The following XPA variants were observed in gnomAD, a reference collection of about 807,000 sequenced individuals.
XPA encodes DNA repair protein complementing XP-A cells.
In XPA, 27 loss-of-function variants were observed where a neutral mutation model predicts 35.7. That is an observed-to-expected ratio of 0.76 (90% CI 0.56 to 1.04). The LOEUF (loss-of-function observed/expected upper bound fraction) is 1.04, where lower values mean the gene tolerates loss of function less well. Ranked by LOEUF, XPA falls within the 50% of genes least tolerant of loss-of-function variation. The pLI, the probability that XPA is intolerant of heterozygous loss-of-function variation, is 0.00. For missense variants in XPA, 354 were observed against 342.7 expected, an observed-to-expected ratio of 1.03 and a Z score of -0.26; for synonymous variants, 133 against 118.4, an observed-to-expected ratio of 1.12 and a Z score of -0.80.
downstream of XPA, chr9:97,673,174 T>C (rs1467633972): frequency 6.6e-6 from 1 of 152,144 alleles, no homozygotes; most frequent in African/African-American, 2.4e-5. Context: ...AATGAGTTTA[T>C]CAACTGTTTG....
intron 3 of XPA, among the ~76,000 whole-genome samples, chr9:97,687,800 G>C (rs1456279062): frequency 1.3e-5 from 2 of 152,240 alleles, no homozygotes; most frequent in East Asian, 3.8e-4. Flanking sequence ...TAAGGCAGCA[G>C]TGGGAGAGGA....
In XPA at chr9:97,689,648, A is replaced by G. The variant is rs753857059; in HGVS notation, c.284-9T>C. ...AAATTCCATAACAGGTCCTAAGAAA[A>G]GGAAAATGAACTCTAGTTTCCTTTT... On this transcript the variant is annotated splice_polypyrimidine_tract_variant and intron_variant, in intron 2 of 5. Coordinates refer to ENST00000375128, the MANE Select transcript of XPA (RefSeq NM_000380.4). 5 of 1,545,508 alleles carry G rather than the reference A, an allele frequency of 3.2e-6. No homozygotes were observed. The highest frequency in any genetic ancestry group is 2.3e-5 in the South Asian group (2 of 88,882).
At chr9:97,658,900 G>C in the XPA span, among the ~76,000 whole-genome samples, 1 of 152,104 alleles carries the variant, frequency 6.6e-6, no homozygotes, top group Non-Finnish European at 1.5e-5. Context: ...TGTTTTATTT[G>C]CCCTGTCATC....
intron 4 of XPA, 37 bp downstream of exon 4, chr9:97,687,059 C>G (rs894594756): frequency 2.5e-6 from 4 of 1,581,202 alleles, no homozygotes; most frequent in Non-Finnish European, 2.6e-6. Flanking sequence ...TAAGAATTTA[C>G]CAGAGTGAAA....
rs3176738 is a variant in XPA, at chr9:97,677,410, GTGCAAT to G, written c.674-1829_674-1824del. Among the ~76,000 whole-genome samples the G allele has an allele frequency of 2.1e-4, 32 of 152,234 alleles. No individual in the cohort carries two copies. The East Asian group carries it at 6.2e-3, about 29-fold the overall frequency. On this transcript the variant is annotated intron_variant, in intron 5 of 5. Coordinates refer to ENST00000375128, the MANE Select transcript of XPA (RefSeq NM_000380.4). ...AAAGTAAGAAAGTATTCGGGGCCAG[GTGCAAT>G]GGCTCATGCCTGTAATCCCAGCACT...
intron 1 of XPA, 89 bp downstream of exon 1, chr9:97,697,032 C>A: frequency 7.0e-7 from 1 of 1,438,620 alleles, no homozygotes; most frequent in Non-Finnish European, 9.1e-7. Flanking sequence ...TGACGCGACC[C>A]CCGGGCCCCG....
At chr9:97,688,669 A>G (rs3176672) in intron 3 of XPA, among the ~76,000 whole-genome samples, 2,121 of 152,286 alleles carry the variant, frequency 0.014, 65 homozygotes, top group African/African-American at 0.048. Flanking sequence ...TTTGTAATCT[A>G]TAGTTCCAGC....
the XPA span, among the ~76,000 whole-genome samples, chr9:97,661,230 A>C: frequency 4.0e-3 from 604 of 152,314 alleles, 2 homozygotes; most frequent in Non-Finnish European, 6.4e-3. Flanking sequence ...CCTTATATAA[A>C]AAGAGATCCT....
At position 97,684,773 on chromosome 9, in the gene XPA, C is replaced by T. The variant is rs557841384; in HGVS notation, c.673+150G>A. 57 of 712,182 alleles carry T rather than the reference C, an allele frequency of 8.0e-5. No homozygotes were observed. The East Asian group carries it at 9.9e-4, about 12-fold the overall frequency. The allele number at this position is 712,182 out of a possible 1,614,324, so 44.1% of individuals were successfully genotyped here. On this transcript the variant is annotated intron_variant, in intron 5 of 5. Transcript: ENST00000375128. Reference sequence around the variant, plus strand: ...TTGAGCTTAGTGCCTTGAAGACCAACATACTGAGGGCAAACTGTAAGTCAT... The same window carrying T: ...TTGAGCTTAGTGCCTTGAAGACCAATATACTGAGGGCAAACTGTAAGTCAT...
Position 97,675,300 on chromosome 9 carries a change from A to G in XPA, c.*139T>C. On this transcript the variant is annotated 3_prime_UTR_variant, in exon 6 of 6. Transcript: ENST00000375128. ...CTTTTAAGCCATAACATACATAATT[A>G]TTACTGAAGTATTACTTATACAAGG... 3.0e-6 allele frequency: 3 copies of G among 983,990 alleles called. No individual in the cohort carries two copies. The highest frequency in any genetic ancestry group is 4.5e-6 in the Non-Finnish European group (3 of 661,376). 61.0% of individuals were successfully genotyped at this position (983,990 alleles called of 1,614,324 possible). A position where few individuals can be genotyped will look rare whatever the true frequency, so the allele number is the denominator to read the frequency against.
chr9:97,668,016 T>C, the XPA span, among the ~76,000 whole-genome samples: 4 of 152,302 alleles, frequency 2.6e-5, no homozygotes, highest in East Asian at 7.7e-4. Flanking sequence ...TTCTGTGATA[T>C]CCGAGAGCAG....
At chr9:97,685,157 AAT>A (rs1828676225) in intron 4 of XPA, 117 bp from the exon 5 acceptor site, 1 of 725,272 alleles carries the variant, frequency 1.4e-6, no homozygotes, top group Non-Finnish European at 2.2e-6. Flanking sequence ...TAAATTTATA[AAT>A]ACTTATTAGA....
Position 97,684,997 on chromosome 9 carries a change from A to G in XPA, c.599T>C (p.Leu200Ser), listed in dbSNP as rs755803064. ...SLEVWGSQEA[L>S]EEAKEVRQEN... Reference sequence around the variant, plus strand: ...CTGTCGGACTTCCTTTGCTTCTTCTAATGCTTCTTGACTACCCCAAACTTC... The same window carrying G: ...CTGTCGGACTTCCTTTGCTTCTTCTGATGCTTCTTGACTACCCCAAACTTC... The change falls in exon 5 of 6, where the codon TTA becomes TCA. Residue 200 changes from leucine (L) to serine (S), a missense_variant. Leu to Ser is a moderately radical substitution (Grantham distance 145). Coordinates refer to ENST00000375128, the MANE Select transcript of XPA (RefSeq NM_000380.4). 50 of 1,613,468 alleles carry G rather than the reference A, an allele frequency of 3.1e-5. No individual in the cohort carries two copies. The South Asian group carries it at 4.3e-4, about 14-fold the overall frequency.
At chr9:97,671,254 T>TTA (rs1443685085), downstream of XPA, 3 of 1,307,044 alleles carry the variant, frequency 2.3e-6, no homozygotes, top group Non-Finnish European at 3.3e-6. Context: ...ATAATTTGTC[T>TTA]TATTTTTTGA....
At chr9:97,658,427 C>T in the XPA span, among the ~76,000 whole-genome samples, 4 of 152,232 alleles carry the variant, frequency 2.6e-5, no homozygotes, top group East Asian at 1.9e-4. Context: ...CTCACTCACC[C>T]GCACCTCAGT....
chr9:97,692,745 A>T (rs1473349156), intron 2 of XPA, among the ~76,000 whole-genome samples: 1 of 152,246 alleles, frequency 6.6e-6, no homozygotes, highest in East Asian at 1.9e-4. Flanking sequence ...GCAGTCTACC[A>T]TAAGCAAGAG....
chr9:97,662,948 C>T, the XPA span: 1 of 1,598,666 alleles, frequency 6.3e-7, no homozygotes, highest in Middle Eastern at 1.7e-4. Flanking sequence ...CCATCATTAT[C>T]AAAAGGTTTC....
intron 5 of XPA, among the ~76,000 whole-genome samples, chr9:97,680,483 A>G (rs1167510194): frequency 6.6e-6 from 1 of 152,106 alleles, no homozygotes; most frequent in Non-Finnish European, 1.5e-5. Context: ...TGTTGGGATT[A>G]CAGAAGTGTT....
At chr9:97,680,001 T>A (rs966273608) in intron 5 of XPA, among the ~76,000 whole-genome samples, 1 of 152,172 alleles carries the variant, frequency 6.6e-6, no homozygotes, top group African/African-American at 2.4e-5. Flanking sequence ...AAAATGTCAA[T>A]GTCGTGAAAG....
Sources: allele counts gnomAD v4.1 joint callset (sites outside exome capture counted in the v4.1 genomes callset), GRCh38; gene constraint gnomAD v4.1.1; transcripts MANE v1.5; gene names NCBI Gene and HGNC (gene_info 2026-07-23, HGNC 2026-07-21).